TMEM117: variants seen among roughly 807,000 people sequenced by gnomAD.
TMEM117 encodes transmembrane protein 117.
Under a neutral mutation model 52.4 loss-of-function variants are expected in TMEM117, and 27 were observed. The ratio of observed to expected loss-of-function variants is 0.51; its 90% CI spans 0.38 to 0.71. TMEM117 has a LOEUF of 0.71. Ranked by LOEUF, TMEM117 falls within the 30% of genes least tolerant of loss-of-function variation. TMEM117 has a pLI of 0.00. For missense variants in TMEM117, 556 were observed against 630.5 expected, an observed-to-expected ratio of 0.88 and a Z score of 1.26; for synonymous variants, 215 against 206.3, an observed-to-expected ratio of 1.04 and a Z score of -0.36.
intron 3 of TMEM117, among the ~76,000 whole-genome samples, chr12:43,953,216 A>G (rs1024630825): frequency 1.3e-5 from 2 of 152,136 alleles, no homozygotes; most frequent in Non-Finnish European, 2.9e-5. Context: ...ACACAGACCA[A>G]TGACACTATG....
chr12:44,144,410 T>C (rs1948613203), intron 4 of TMEM117, among the ~76,000 whole-genome samples: 1 of 152,252 alleles, frequency 6.6e-6, no homozygotes, highest in Non-Finnish European at 1.5e-5. Context: ...TGATTCTAAT[T>C]ACCTTTGTCA....
At chr12:44,168,863 T>A (rs1227967802) in intron 4 of TMEM117, among the ~76,000 whole-genome samples, 4 of 152,176 alleles carry the variant, frequency 2.6e-5, no homozygotes, top group Non-Finnish European at 5.9e-5. Context: ...ATTCCTCTTT[T>A]TATCCTCCCC....
At chr12:44,089,014 C>CT (rs1947618964) in intron 3 of TMEM117, among the ~76,000 whole-genome samples, 1 of 152,190 alleles carries the variant, frequency 6.6e-6, no homozygotes, top group Non-Finnish European at 1.5e-5. Context: ...CCTGTACACC[C>CT]TGTACATCAA....
chr12:44,340,076 A>G (rs1951396775), intron 6 of TMEM117, among the ~76,000 whole-genome samples: 1 of 152,096 alleles, frequency 6.6e-6, no homozygotes. Flanking sequence ...GAACATAACT[A>G]CATATAGAAA....
chr12:44,369,087 G>C (rs963262040), intron 6 of TMEM117, among the ~76,000 whole-genome samples: 1 of 152,066 alleles, frequency 6.6e-6, no homozygotes, highest in African/African-American at 2.4e-5. Flanking sequence ...ACTCTTTCCT[G>C]TGTACTGGTT....
At chr12:44,381,855 A>G (rs1486386704) in intron 7 of TMEM117, among the ~76,000 whole-genome samples, 1 of 152,114 alleles carries the variant, frequency 6.6e-6, no homozygotes, top group Non-Finnish European at 1.5e-5. Context: ...AGGCCATGAG[A>G]AGGCTGGGGA....
intron 6 of TMEM117, among the ~76,000 whole-genome samples, chr12:44,334,442 T>C (rs766820171): frequency 1.8e-4 from 27 of 152,042 alleles, no homozygotes; most frequent in East Asian, 5.8e-4. Context: ...ATGATTGTCG[T>C]TGAGGCTCTT....
At chr12:43,804,791 T>G in the TMEM117 span, among the ~76,000 whole-genome samples, 1 of 152,260 alleles carries the variant, frequency 6.6e-6, no homozygotes, top group East Asian at 1.9e-4. Flanking sequence ...AATTCTAATC[T>G]GTTTTAGCTA....
At chr12:44,327,742 A>C (rs1256410365) in intron 6 of TMEM117, among the ~76,000 whole-genome samples, 1 of 152,020 alleles carries the variant, frequency 6.6e-6, no homozygotes, top group Non-Finnish European at 1.5e-5. Context: ...GCAATCAGTT[A>C]CTCAGGTGTA....
At chr12:43,877,756 G>T (rs1943825289) in intron 2 of TMEM117, among the ~76,000 whole-genome samples, 1 of 152,056 alleles carries the variant, frequency 6.6e-6, no homozygotes, top group Non-Finnish European at 1.5e-5. Flanking sequence ...ATAAAATGTG[G>T]ATCATTCATG....
At position 44,314,568 on chromosome 12, in the gene TMEM117, T is replaced by TTC. The variant is rs1491110919; in HGVS notation, c.768+14830_768+14831insCT. 1.8e-4 allele frequency among the ~76,000 whole-genome samples: 16 copies of TTC among 91,152 alleles called. No individual in the cohort carries two copies. In the East Asian group the frequency reaches 3.2e-3, roughly 18 times the overall value. 59.8% of individuals were successfully genotyped at this position (91,152 alleles called of 152,430 possible). On this transcript the variant is annotated intron_variant, in intron 6 of 7. Coordinates refer to ENST00000266534, the MANE Select transcript of TMEM117 (RefSeq NM_032256.3). The stretch of plus-strand genomic sequence containing the variant: ...GATATTGGCCTGTAGTTTCTTCTTC[T>TTC]TTTTTTTTTTTTTTTTAAGACAAAG...
At chr12:44,063,803 C>T (rs887645637) in intron 3 of TMEM117, among the ~76,000 whole-genome samples, 1 of 151,894 alleles carries the variant, frequency 6.6e-6, no homozygotes, top group Admixed American at 6.6e-5. Context: ...AAATTATATG[C>T]AGTTCTCTGA....
At chr12:43,992,864 G>A (rs2137754510) in intron 3 of TMEM117, among the ~76,000 whole-genome samples, 1 of 152,284 alleles carries the variant, frequency 6.6e-6, no homozygotes, top group East Asian at 1.9e-4. Flanking sequence ...TAACCTTTAT[G>A]TCCTTGTTCA....
At chr12:44,311,797 GTATATATGTATATA>G (rs1950984274) in intron 6 of TMEM117, among the ~76,000 whole-genome samples, 6 of 22,194 alleles carry the variant, frequency 2.7e-4, no homozygotes, top group African/African-American at 4.9e-4. Flanking sequence ...GTATATATAT[GTATATATGTATATA>G]TGTATATATA....
intron 3 of TMEM117, among the ~76,000 whole-genome samples, chr12:44,116,056 T>C (rs1948137122): frequency 6.6e-6 from 1 of 152,236 alleles, no homozygotes; most frequent in South Asian, 2.1e-4. Flanking sequence ...TTAGTATTTT[T>C]CTCTTCTCAA....
At chr12:44,021,655 C>T (rs1258591078) in intron 3 of TMEM117, among the ~76,000 whole-genome samples, 3 of 152,216 alleles carry the variant, frequency 2.0e-5, no homozygotes, top group African/African-American at 7.2e-5. Flanking sequence ...CTGCTAACCA[C>T]AGATAAGACA....
At chr12:43,976,510 G>A (rs1487044501) in intron 3 of TMEM117, among the ~76,000 whole-genome samples, 2 of 152,140 alleles carry the variant, frequency 1.3e-5, no homozygotes, top group African/African-American at 4.8e-5. Flanking sequence ...TGAGTAGAGA[G>A]CATCCTAAGC....
At chr12:44,281,059 T>C (rs1950571071) in intron 5 of TMEM117, among the ~76,000 whole-genome samples, 1 of 152,194 alleles carries the variant, frequency 6.6e-6, no homozygotes, top group African/African-American at 2.4e-5. Flanking sequence ...TCTTCACAAG[T>C]TCCCAAGAGA....
chr12:44,073,240 A>T (rs1947331067), intron 3 of TMEM117, among the ~76,000 whole-genome samples: 1 of 152,250 alleles, frequency 6.6e-6, no homozygotes, highest in Non-Finnish European at 1.5e-5. Flanking sequence ...TAATGCCCAG[A>T]TAACTCTATT....
Sources: allele counts gnomAD v4.1 joint callset (sites outside exome capture counted in the v4.1 genomes callset), GRCh38; gene constraint gnomAD v4.1.1; transcripts MANE v1.5; gene names NCBI Gene and HGNC (gene_info 2026-07-23, HGNC 2026-07-21).